PARD3B: variants seen among roughly 807,000 people sequenced by gnomAD.
PARD3B encodes par-3 family cell polarity regulator beta.
In PARD3B, 103 loss-of-function variants were observed where a neutral mutation model predicts 130.2. The ratio of observed to expected loss-of-function variants is 0.79; its 90% CI spans 0.67 to 0.93. The LOEUF (loss-of-function observed/expected upper bound fraction) is 0.93. Among genes scored for constraint, PARD3B ranks in the 40% least tolerant of loss-of-function variants. PARD3B has a pLI of 0.00. For missense variants in PARD3B, 1,609 were observed against 1,499.2 expected, an observed-to-expected ratio of 1.07 and a Z score of -1.21; for synonymous variants, 583 against 553.2, an observed-to-expected ratio of 1.05 and a Z score of -0.76.
At chr2:205,454,689 C>T (rs997657935) in intron 20 of PARD3B, among the ~76,000 whole-genome samples, 1 of 152,110 alleles carries the variant, frequency 6.6e-6, no homozygotes. Context: ...AGAAGATTTT[C>T]TATGTCAAGT....
intron 1 of PARD3B, among the ~76,000 whole-genome samples, chr2:204,683,957 G>C (rs2036958504): frequency 6.6e-6 from 1 of 152,168 alleles, no homozygotes; most frequent in African/African-American, 2.4e-5. Context: ...TTTCCACAAT[G>C]TCTTGGATCC....
chr2:205,168,320 A>AGAGAGAGAGAGAGTGT (rs371904121), intron 11 of PARD3B, among the ~76,000 whole-genome samples: 1,354 of 119,664 alleles, frequency 0.011, 13 homozygotes, highest in Middle Eastern at 0.018. Context: ...AGAGAGAGAG[A>AGAGAGAGAGAGAGTGT]GTGTGTGTGT....
intron 2 of PARD3B, among the ~76,000 whole-genome samples, chr2:204,715,949 T>C (rs1193922959): frequency 6.6e-6 from 1 of 152,170 alleles, no homozygotes; most frequent in Non-Finnish European, 1.5e-5. Flanking sequence ...GCACACAGAT[T>C]CATAGGCCTC....
chr2:204,774,857 A>C (rs147359743), intron 2 of PARD3B, among the ~76,000 whole-genome samples: 4 of 152,216 alleles, frequency 2.6e-5, no homozygotes, highest in African/African-American at 9.6e-5. Flanking sequence ...AGTTATTCAC[A>C]CTTGGGAGTA....
chr2:205,092,939 A>T (rs1025229861), intron 4 of PARD3B, among the ~76,000 whole-genome samples: 1 of 152,218 alleles, frequency 6.6e-6, no homozygotes, highest in Non-Finnish European at 1.5e-5. Context: ...ATATAGGTGC[A>T]TATGTAAAGA....
At chr2:205,005,086 C>G (rs1695146515) in intron 3 of PARD3B, among the ~76,000 whole-genome samples, 1 of 152,030 alleles carries the variant, frequency 6.6e-6, no homozygotes, top group African/African-American at 2.4e-5. Flanking sequence ...TCCTCCCTGT[C>G]TCATCCCCTC....
At chr2:205,168,320 A>AGAGAGTGTGT (rs371904121) in intron 11 of PARD3B, among the ~76,000 whole-genome samples, 494 of 119,772 alleles carry the variant, frequency 4.1e-3, no homozygotes, top group South Asian at 7.4e-3. Flanking sequence ...AGAGAGAGAG[A>AGAGAGTGTGT]GTGTGTGTGT....
At chr2:205,140,456 GAA>G (rs5837955) in intron 10 of PARD3B, among the ~76,000 whole-genome samples, 86 of 88,744 alleles carry the variant, frequency 9.7e-4, no homozygotes, top group East Asian at 3.3e-3. Context: ...TCCAGAGAGT[GAA>G]AAAAAAAAAA....
At chr2:205,154,222 C>G (rs2033959152) in intron 10 of PARD3B, among the ~76,000 whole-genome samples, 1 of 152,014 alleles carries the variant, frequency 6.6e-6, no homozygotes, top group Non-Finnish European at 1.5e-5. Context: ...CAACCCCATC[C>G]AAAAGTGGGT....
intron 4 of PARD3B, among the ~76,000 whole-genome samples, chr2:205,065,421 A>G (rs1176544732): frequency 2.6e-5 from 4 of 152,234 alleles, no homozygotes; most frequent in Non-Finnish European, 1.5e-5. Flanking sequence ...TCACATGGCC[A>G]TAAAGATATC....
intron 3 of PARD3B, among the ~76,000 whole-genome samples, chr2:204,980,185 A>G (rs763226099): frequency 1.5e-4 from 23 of 152,214 alleles, no homozygotes; most frequent in Non-Finnish European, 3.2e-4. Flanking sequence ...CACTTCATAA[A>G]ATGGCCAGTA....
At chr2:204,697,698 C>T (rs887436670) in intron 2 of PARD3B, among the ~76,000 whole-genome samples, 6 of 152,102 alleles carry the variant, frequency 3.9e-5, no homozygotes, top group Non-Finnish European at 7.4e-5. Context: ...TTGCTGACCT[C>T]ACATCCGTTG....
chr2:205,519,096 G>T (rs773302859), intron 21 of PARD3B, among the ~76,000 whole-genome samples: 1 of 152,134 alleles, frequency 6.6e-6, no homozygotes, highest in Non-Finnish European at 1.5e-5. Flanking sequence ...AATCTTGCAG[G>T]AGTTATCTGT....
intron 21 of PARD3B, among the ~76,000 whole-genome samples, chr2:205,503,046 TC>T (rs2050216661): frequency 7.2e-6 from 1 of 139,752 alleles, no homozygotes; most frequent in South Asian, 2.4e-4. Context: ...CTCTCTTCCC[TC>T]TTCCCTCTTC....
rs573813494 is a variant in PARD3B at position 204,993,838 on chromosome 2, T to C, written c.394+28515T>C. 2.2e-3 allele frequency among the ~76,000 whole-genome samples: 337 copies of C among 151,640 alleles called. 4 individuals are homozygous for C. The highest frequency in any genetic ancestry group is 4.0e-3 in the Non-Finnish European group (269 of 67,836). On this transcript the variant is annotated intron_variant, in intron 3 of 22. Transcript: ENST00000406610. The stretch of plus-strand genomic sequence containing the variant: ...TGTATGTGTCGAGGAATGTATTCAT[T>C]TCTTCTAGATTTTCTAGTTTATTTG...
intron 2 of PARD3B, among the ~76,000 whole-genome samples, chr2:204,836,550 C>A (rs978611183): frequency 1.3e-5 from 2 of 152,132 alleles, no homozygotes; most frequent in Non-Finnish European, 2.9e-5. Context: ...GTAATCCCAG[C>A]TATTCAGGAG....
At chr2:204,802,033 C>T (rs920745322) in intron 2 of PARD3B, among the ~76,000 whole-genome samples, 4 of 152,090 alleles carry the variant, frequency 2.6e-5, no homozygotes, top group African/African-American at 4.8e-5. Context: ...GTTGAACAAG[C>T]GTTGCATCCC....
At chr2:205,184,006 T>C (rs557982466) in intron 13 of PARD3B, among the ~76,000 whole-genome samples, 2 of 152,210 alleles carry the variant, frequency 1.3e-5, no homozygotes, top group South Asian at 4.1e-4. Context: ...AAAAAGCCAA[T>C]GTCCCATGTC....
chr2:204,813,765 A>T (rs2043046947), intron 2 of PARD3B, among the ~76,000 whole-genome samples: 2 of 152,028 alleles, frequency 1.3e-5, no homozygotes, highest in East Asian at 3.8e-4. Context: ...TTCAAAAGAG[A>T]CTATTCTTTC....
Sources: allele counts gnomAD v4.1 joint callset (sites outside exome capture counted in the v4.1 genomes callset), GRCh38; gene constraint gnomAD v4.1.1; transcripts MANE v1.5; gene names NCBI Gene and HGNC (gene_info 2026-07-23, HGNC 2026-07-21).